CPB1: variants seen among roughly 807,000 people sequenced by gnomAD.
The protein encoded by CPB1 is carboxypeptidase B1, also known as carboxypeptidase B.
A neutral mutation model predicts 51.4 loss-of-function variants in CPB1; 53 were observed. The ratio of observed to expected loss-of-function variants is 1.03; its 90% CI spans 0.83 to 1.30. The LOEUF is 1.30. Ranked by LOEUF, CPB1 falls within the 50% of genes most tolerant of loss-of-function variation. The probability of loss-of-function intolerance (pLI) is 0.00; values close to 1 mark genes in which losing one functional copy is unlikely to be tolerated. For synonymous variants in CPB1, 189 were observed against 186.9 expected (o/e 1.01, Z -0.09); for missense variants, 494 against 516.2 (o/e 0.96, Z 0.42).
At chr3:148,834,166 T>C (rs1238292894) in intron 2 of CPB1, among the ~76,000 whole-genome samples, 1 of 152,200 alleles carries the variant, frequency 6.6e-6, no homozygotes, top group African/African-American at 2.4e-5. Flanking sequence ...CATTACCACA[T>C]AGCATCTATT....
At chr3:148,836,068 T>A (rs545206204) in intron 3 of CPB1, among the ~76,000 whole-genome samples, 47 of 151,842 alleles carry the variant, frequency 3.1e-4, no homozygotes, top group Admixed American at 1.4e-3. Context: ...GTTGTAAAAA[T>A]AAAAATATAT....
chr3:148,839,191 T>C (rs1713000712), intron 3 of CPB1, among the ~76,000 whole-genome samples: 1 of 152,170 alleles, frequency 6.6e-6, no homozygotes, highest in South Asian at 2.1e-4. Flanking sequence ...TTATCCCCTG[T>C]TGAAGCCTTG....
chr3:148,857,346 C>T lies in CPB1; in HGVS notation c.982-111C>T, dbSNP rs16861072. On this transcript the variant is annotated intron_variant, in intron 9 of 10. Coordinates refer to ENST00000282957, the MANE Select transcript of CPB1 (RefSeq NM_001871.3). ...ATGGGTCCTGAATAAGCATATAATA[C>T]GATCCAAATTGTTACTTACATGCTT... is the stretch of plus-strand genomic sequence containing the variant. 0.014 allele frequency: 10,760 copies of T among 753,510 alleles called. 670 individuals are homozygous for T. The East Asian group carries it at 0.18, about 12-fold the overall frequency. 46.7% of individuals were successfully genotyped at this position (753,510 alleles called of 1,614,324 possible).
intron 8 of CPB1, 56 bp from the exon 9 acceptor site, chr3:148,845,368 T>TC: frequency 6.6e-7 from 1 of 1,524,094 alleles, no homozygotes; most frequent in Non-Finnish European, 9.1e-7. Context: ...GTTTAAAACA[T>TC]CCCCACAAGA....
intron 9 of CPB1, among the ~76,000 whole-genome samples, chr3:148,850,313 T>C (rs1713387010): frequency 6.6e-6 from 1 of 152,192 alleles, no homozygotes; most frequent in South Asian, 2.1e-4. Flanking sequence ...TTTGTCTGTT[T>C]GTTTTTGAGA....
At position 148,849,498 on chromosome 3, in the gene CPB1, T is replaced by C. The variant is rs566771425; in HGVS notation, c.981+3872T>C. 2.0e-5 allele frequency among the ~76,000 whole-genome samples: 3 copies of C among 152,356 alleles called. No homozygotes were observed. In the South Asian group the frequency reaches 6.2e-4, roughly 32 times the overall value. On this transcript the variant is annotated intron_variant, in intron 9 of 10. Transcript: ENST00000282957. ...GAAAAGGCTCTCAAACCTAGCCATATGGCTGCACTTATTGGGCAGGAAGAA... is the reference window on the plus strand; with the variant it reads ...GAAAAGGCTCTCAAACCTAGCCATACGGCTGCACTTATTGGGCAGGAAGAA...
At chr3:148,835,261 G>A (rs1712868259) in intron 3 of CPB1, among the ~76,000 whole-genome samples, 3 of 152,144 alleles carry the variant, frequency 2.0e-5, no homozygotes, top group Admixed American at 2.0e-4. Context: ...TCCATTTGCT[G>A]ATCCAACAAA....
At position 148,860,078 on chromosome 3, in the gene CPB1, G is replaced by T; in HGVS notation, c.*76G>T. 1 of 1,463,092 alleles carries T rather than the reference G, an allele frequency of 6.8e-7. No homozygotes were observed. Among genetic ancestry groups the T allele is most frequent in the Non-Finnish European group, 9.3e-7 (1 of 1,071,714 alleles). 90.6% of individuals were successfully genotyped at this position (1,463,092 alleles called of 1,614,324 possible). A position where few individuals can be genotyped will look rare whatever the true frequency, so the allele number is the denominator to read the frequency against. On this transcript the variant is annotated 3_prime_UTR_variant, in exon 11 of 11. Transcript: ENST00000282957. ...CTTTCTTGAATTCTTATTTTGGTTT[G>T]CCTGGATGTTTTGCAGATCCCAATC...
rs777859924 is a variant in CPB1 at position 148,845,500 on chromosome 3, C to T, written c.855C>T (p.Ala285=). 1.8e-5 allele frequency: 29 copies of T among 1,613,686 alleles called. No individual in the cohort carries two copies. The highest frequency in any genetic ancestry group is 2.5e-5 in the Non-Finnish European group (29 of 1,179,854). The part of the protein sequence containing the change: ...PAAESEKETK[A]LADFIRNKLS... ...CAGAGTCTGAAAAGGAGACCAAGGC[C>T]CTGGCTGATTTCATCCGCAACAAAC... Residue 285 remains alanine (A), a synonymous_variant, in exon 9 of 11, where the codon GCC becomes GCT. Transcript: ENST00000282957.
Position 148,827,998 on chromosome 3 carries a change from T to C in CPB1, c.72-4T>C. On this transcript the variant is annotated splice_polypyrimidine_tract_variant and splice_region_variant and intron_variant, in intron 1 of 10. Transcript: ENST00000282957. Reference sequence around the variant, plus strand: ...CTCTGTGCTTCTATTATCTCATTATTCAGCGAGAAGGTGTTCCGTGTTAAC... The same window carrying C: ...CTCTGTGCTTCTATTATCTCATTATCCAGCGAGAAGGTGTTCCGTGTTAAC... 6.2e-7 allele frequency: 1 copy of C among 1,613,956 alleles called. No homozygotes were observed. Among genetic ancestry groups the C allele is most frequent in the South Asian group, 1.1e-5 (1 of 91,056 alleles).
At chr3:148,837,130 G>A (rs1056030209) in intron 3 of CPB1, among the ~76,000 whole-genome samples, 3 of 152,110 alleles carry the variant, frequency 2.0e-5, no homozygotes, top group Non-Finnish European at 2.9e-5. Flanking sequence ...TGGTTATGAA[G>A]CTAAGTTGAC....
chr3:148,844,837 C>A, intron 8 of CPB1, 70 bp downstream of exon 8: 1 of 1,317,564 alleles, frequency 7.6e-7, no homozygotes, highest in Non-Finnish European at 1.1e-6. Flanking sequence ...GAAAACACAA[C>A]AGTATCTAAA....
Position 148,844,749 on chromosome 3 carries a change from T to C in CPB1, c.760T>C (p.Phe254Leu), listed in dbSNP as rs1446036075. The part of the protein sequence containing the change: ...SCIGTDPNRN[F>L]DAGWCEIGAS... ...CATTGGCACAGACCCCAACAGAAAT[T>C]TTGATGCTGGTTGGTGTGGTAAGTA... is the stretch of plus-strand genomic sequence containing the variant. The change falls in exon 8 of 11, where the codon TTT (phenylalanine) becomes CTT (leucine). Residue 254 changes from phenylalanine (F) to leucine (L), a missense_variant. Transcript: ENST00000282957. 6.2e-7 allele frequency: 1 copy of C among 1,613,776 alleles called. No individual in the cohort carries two copies. Among genetic ancestry groups the C allele is most frequent in the African/African-American group, 1.3e-5 (1 of 74,916 alleles).
intron 9 of CPB1, among the ~76,000 whole-genome samples, chr3:148,853,931 T>G (rs890519518): frequency 6.6e-6 from 1 of 152,242 alleles, no homozygotes; most frequent in Non-Finnish European, 1.5e-5. Flanking sequence ...ATGTAAATGT[T>G]AGTTCTGATT....
chr3:148,832,180 TG>T (rs1165640066), intron 2 of CPB1, among the ~76,000 whole-genome samples: 1 of 152,212 alleles, frequency 6.6e-6, no homozygotes, highest in Non-Finnish European at 1.5e-5. Flanking sequence ...ATTCTTGCAC[TG>T]AAATCTTAAA....
intron 3 of CPB1, among the ~76,000 whole-genome samples, chr3:148,840,015 T>C (rs1713029750): frequency 6.6e-6 from 1 of 152,130 alleles, no homozygotes; most frequent in African/African-American, 2.4e-5. Context: ...CTCTAAATAG[T>C]AGGCCTCAAA....
intron 3 of CPB1, among the ~76,000 whole-genome samples, chr3:148,838,891 T>C (rs990241988): frequency 5.3e-5 from 8 of 152,226 alleles, no homozygotes; most frequent in Non-Finnish European, 1.0e-4. Context: ...TTCCACCCTA[T>C]TCCTTAACAA....
chr3:148,830,972 G>A (rs1356654080), intron 2 of CPB1, among the ~76,000 whole-genome samples: 1 of 152,136 alleles, frequency 6.6e-6, no homozygotes, highest in Non-Finnish European at 1.5e-5. Flanking sequence ...TTCCTGATAA[G>A]ATCATTACAA....
At chr3:148,840,253 C>T (rs1713034437) in intron 3 of CPB1, among the ~76,000 whole-genome samples, 1 of 152,148 alleles carries the variant, frequency 6.6e-6, no homozygotes, top group Admixed American at 6.5e-5. Context: ...GACTGAGTAG[C>T]TTCCTGAAAC....
Sources: gnomAD v4.1 joint callset for allele counts (sites outside exome capture counted in the v4.1 genomes callset) on GRCh38, gnomAD v4.1.1 for gene constraint, MANE v1.5 for transcripts, NCBI Gene and HGNC (gene_info 2026-07-23, HGNC 2026-07-21) for gene names.